INPP5A: variants seen among roughly 807,000 people sequenced by gnomAD.
INPP5A encodes the protein inositol polyphosphate-5-phosphatase A, also known as 43 kDa inositol polyphosphate 5-phophatase.
In INPP5A, 14 loss-of-function variants were observed where a neutral mutation model predicts 65.2. The observed-to-expected ratio is 0.21, with a 90% CI of 0.14 to 0.34. INPP5A has a LOEUF of 0.34. Among genes scored for constraint, INPP5A ranks in the 10% least tolerant of loss-of-function variants. INPP5A has a pLI of 1.00. For synonymous variants in INPP5A, 207 were observed against 208.3 expected (o/e 0.99, Z 0.05); for missense variants, 431 against 545.6 (o/e 0.79, Z 2.09).
At chr10:132,617,367 C>T (rs1256527507) in intron 2 of INPP5A, among the ~76,000 whole-genome samples, 2 of 152,194 alleles carry the variant, frequency 1.3e-5, no homozygotes, top group African/African-American at 2.4e-5. Flanking sequence ...GGACAAGAAG[C>T]TTTCCCTCCG....
At chr10:132,648,271 C>T (rs985508815) in intron 3 of INPP5A, among the ~76,000 whole-genome samples, 2 of 152,270 alleles carry the variant, frequency 1.3e-5, no homozygotes, top group African/African-American at 4.8e-5. Flanking sequence ...GGAACGATGC[C>T]GCCGTGTTTG....
At position 132,651,342 on chromosome 10, in the gene INPP5A, G is replaced by A. The variant is rs113297749; in HGVS notation, c.306+837G>A. Reference sequence around the variant, plus strand: ...CCCCCGGCCTGGATCCATCTCCCCCGTCTCTGGGGAGGCCCTGGGTCCCCC... The same window carrying A: ...CCCCCGGCCTGGATCCATCTCCCCCATCTCTGGGGAGGCCCTGGGTCCCCC... On this transcript the variant is annotated intron_variant, in intron 4 of 15. Coordinates refer to ENST00000368594, the MANE Select transcript of INPP5A (RefSeq NM_005539.5). This position sits in a 1 kb window ranked among gnomAD's most constrained non-coding sequence, Gnocchi z 5.0. Among the ~76,000 whole-genome samples the A allele has an allele frequency of 7.4e-6, 1 of 135,954 alleles. No homozygotes were observed. The highest frequency in any genetic ancestry group is 7.2e-5 in the Admixed American group (1 of 13,980). The allele number at this position is 135,954 out of a possible 152,430, so 89.2% of individuals were successfully genotyped here. A position where few individuals can be genotyped will look rare whatever the true frequency, so the allele number is the denominator to read the frequency against.
intron 4 of INPP5A, among the ~76,000 whole-genome samples, chr10:132,680,751 C>G (rs1270203281): frequency 6.6e-6 from 1 of 152,272 alleles, no homozygotes; most frequent in African/African-American, 2.4e-5. Context: ...GCCCCGCACT[C>G]CGAGCAGCCG....
rs1053869924 is a variant in INPP5A, at chr10:132,659,305, T to C, written c.306+8800T>C. Among the ~76,000 whole-genome samples, 2 of 152,068 alleles carry C rather than the reference T, an allele frequency of 1.3e-5. No individual in the cohort carries two copies. The highest frequency in any genetic ancestry group is 4.8e-5 in the African/African-American group (2 of 41,410). On this transcript the variant is annotated intron_variant, in intron 4 of 15. Transcript: ENST00000368594. This position sits in a 1 kb window ranked among gnomAD's most constrained non-coding sequence, Gnocchi z 5.5. ...GAGCAGCCTTGGAAGGGTCCAGAAC[T>C]GGAAAGATGGAGAGCTGCCATTGGC...
At chr10:132,641,689 G>GCAT (rs2072429172) in intron 2 of INPP5A, among the ~76,000 whole-genome samples, 1 of 152,238 alleles carries the variant, frequency 6.6e-6, no homozygotes, top group South Asian at 2.1e-4. Flanking sequence ...AGGAACAATA[G>GCAT]CATCATCTGC....
At chr10:132,756,382 A>T (rs1194494179) in intron 11 of INPP5A, among the ~76,000 whole-genome samples, 1 of 151,720 alleles carries the variant, frequency 6.6e-6, no homozygotes, top group Non-Finnish European at 1.5e-5. Context: ...GTGTGTGTGT[A>T]TGTGTGCGTG....
At chr10:132,763,551 ATG>A (rs1214281062) in intron 11 of INPP5A, among the ~76,000 whole-genome samples, 5 of 151,358 alleles carry the variant, frequency 3.3e-5, no homozygotes, top group African/African-American at 9.8e-5. Flanking sequence ...ACACATAAAC[ATG>A]TGCCTGCATG....
At chr10:132,610,405 C>A (rs1249555302) in intron 2 of INPP5A, among the ~76,000 whole-genome samples, 1 of 152,244 alleles carries the variant, frequency 6.6e-6, no homozygotes, top group Admixed American at 6.5e-5. Flanking sequence ...TAGGGGTTGC[C>A]CCGGGCCTAG....
At chr10:132,635,809 T>TAA (rs796699395) in intron 2 of INPP5A, among the ~76,000 whole-genome samples, 1 of 143,102 alleles carries the variant, frequency 7.0e-6, no homozygotes, top group Non-Finnish European at 1.5e-5. Flanking sequence ...CTCGAAGATT[T>TAA]AAAAAAAAAA....
At chr10:132,658,846 C>G (rs1226469950) in intron 4 of INPP5A, among the ~76,000 whole-genome samples, 1 of 152,144 alleles carries the variant, frequency 6.6e-6, no homozygotes, top group African/African-American at 2.4e-5. Flanking sequence ...CCAAGACCAC[C>G]AAGGCCGCCG....
intron 2 of INPP5A, among the ~76,000 whole-genome samples, chr10:132,621,126 T>C (rs1329326608): frequency 6.6e-6 from 1 of 152,218 alleles, no homozygotes; most frequent in African/African-American, 2.4e-5. Context: ...ATTCTCAGCC[T>C]GTAAAGGGCA....
At chr10:132,749,446 G>A in intron 9 of INPP5A, 71 bp from the exon 10 acceptor site, 2 of 1,369,944 alleles carry the variant, frequency 1.5e-6, no homozygotes, top group Non-Finnish European at 2.1e-6. Flanking sequence ...CACTGACTCG[G>A]GGTGTCGGGT....
intron 1 of INPP5A, among the ~76,000 whole-genome samples, chr10:132,588,919 C>T (rs1044239252): frequency 4.0e-5 from 6 of 150,980 alleles, no homozygotes; most frequent in Admixed American, 1.3e-4. Flanking sequence ...TGTGGTCCCA[C>T]GTTCTGGTGT....
intron 4 of INPP5A, among the ~76,000 whole-genome samples, chr10:132,654,545 G>A (rs1347938803): frequency 1.3e-5 from 2 of 152,194 alleles, no homozygotes; most frequent in Non-Finnish European, 2.9e-5. Flanking sequence ...TGACTTCCCC[G>A]GGGTCCTGGG....
intron 11 of INPP5A, among the ~76,000 whole-genome samples, chr10:132,756,441 A>G (rs771991500): frequency 1.3e-5 from 2 of 149,926 alleles, no homozygotes; most frequent in East Asian, 1.9e-4. Flanking sequence ...GTCACGTCAC[A>G]TAATGTCGTT....
intron 2 of INPP5A, among the ~76,000 whole-genome samples, chr10:132,609,235 G>C (rs1353786650): frequency 6.6e-6 from 1 of 152,220 alleles, no homozygotes; most frequent in East Asian, 1.9e-4. Flanking sequence ...CGAAATAATA[G>C]ATATGATGAA....
At position 132,676,143 on chromosome 10, in the gene INPP5A, G is replaced by C. The variant is rs1237592764; in HGVS notation, c.307-14249G>C. Reference sequence around the variant, plus strand: ...TATTTTAAGACTGATATTTTTCTTTGTTCATTATTGAAATTTTCAATTTGT... The same window carrying C: ...TATTTTAAGACTGATATTTTTCTTTCTTCATTATTGAAATTTTCAATTTGT... On this transcript the variant is annotated intron_variant, in intron 4 of 15. Transcript: ENST00000368594. This position sits in a 1 kb window ranked among gnomAD's most constrained non-coding sequence, Gnocchi z 4.0. Among the ~76,000 whole-genome samples, 1 of 152,024 alleles carries C rather than the reference G, an allele frequency of 6.6e-6. No homozygotes were observed.
intron 1 of INPP5A, among the ~76,000 whole-genome samples, chr10:132,592,235 C>G (rs1011387084): frequency 6.6e-6 from 1 of 152,158 alleles, no homozygotes; most frequent in African/African-American, 2.4e-5. Flanking sequence ...TTTGGTAAAG[C>G]TACCTGAGAG....
intron 4 of INPP5A, among the ~76,000 whole-genome samples, chr10:132,668,916 T>A (rs897795689): frequency 1.3e-5 from 2 of 152,040 alleles, no homozygotes; most frequent in Admixed American, 1.3e-4. Context: ...GGGGATCATT[T>A]CCCCACTTTA....
Sources: allele counts gnomAD v4.1 joint callset (sites outside exome capture counted in the v4.1 genomes callset), GRCh38; gene constraint gnomAD v4.1.1; non-coding constraint Gnocchi (gnomAD v3.1); transcripts MANE v1.5; gene names NCBI Gene and HGNC (gene_info 2026-07-23, HGNC 2026-07-21).